PHKG1: variants seen among roughly 807,000 people sequenced by gnomAD.
The protein encoded by PHKG1 is phosphorylase kinase catalytic subunit gamma 1.
In PHKG1, 48 loss-of-function variants were observed where a neutral mutation model predicts 50.5. The ratio of observed to expected loss-of-function variants is 0.95; its 90% CI spans 0.75 to 1.21. The LOEUF (loss-of-function observed/expected upper bound fraction) is 1.21. Ranked by LOEUF, PHKG1 falls within the 50% of genes most tolerant of loss-of-function variation. The pLI is 0.00. For missense variants in PHKG1, 487 were observed against 519.5 expected, an observed-to-expected ratio of 0.94 and a Z score of 0.61; for synonymous variants, 204 against 212.8, an observed-to-expected ratio of 0.96 and a Z score of 0.36.
In PHKG1 at chr7:56,080,739, G is replaced by T; in HGVS notation, c.*315C>A. 2 of 392,724 alleles carry T rather than the reference G, an allele frequency of 5.1e-6. No homozygotes were observed. Among genetic ancestry groups the T allele is most frequent in the African/African-American group, 2.0e-5 (1 of 49,496 alleles). The allele number at this position is 392,724 out of a possible 1,614,324, so 24.3% of individuals were successfully genotyped here. A position where few individuals can be genotyped will look rare whatever the true frequency, so the allele number is the denominator to read the frequency against. ...AAAGCCTGAGTGTCAGTAACTCTGG[G>T]CCTCCCCTAAAGAGAAATGGAGATG... On this transcript the variant is annotated 3_prime_UTR_variant, in exon 10 of 10. Coordinates refer to ENST00000297373, the MANE Select transcript of PHKG1 (RefSeq NM_006213.5).
intron 2 of PHKG1, chr7:56,088,554 G>T: frequency 4.4e-6 from 1 of 228,752 alleles, no homozygotes; most frequent in Non-Finnish European, 8.4e-6. Flanking sequence ...ACGGGGTCTT[G>T]CTATGTTGCC....
intron 6 of PHKG1, 188 bp downstream of exon 6, chr7:56,083,090 A>G: frequency 1.8e-6 from 1 of 556,594 alleles, no homozygotes; most frequent in Non-Finnish European, 3.2e-6. Flanking sequence ...TGGGCGACAG[A>G]GTGAGACTCC....
chr7:56,084,160 C>T (rs763943698), intron 4 of PHKG1: 90 of 1,530,530 alleles, frequency 5.9e-5, no homozygotes, highest in Non-Finnish European at 6.7e-5. Flanking sequence ...TTGCCCTGCC[C>T]TGGGCCCTGA....
chr7:56,083,121 GAAAGAA>G (rs1796095995), intron 6 of PHKG1, 151 bp downstream of exon 6: 3 of 596,916 alleles, frequency 5.0e-6, no homozygotes, highest in Non-Finnish European at 8.4e-6. Context: ...AAAAAAAAAA[GAAAGAA>G]AAAGAAAAAA....
At chr7:56,087,867 G>A (rs1208555853) in intron 2 of PHKG1, 91 bp from the exon 3 acceptor site, 3 of 1,022,692 alleles carry the variant, frequency 2.9e-6, no homozygotes, top group African/African-American at 3.2e-5. Context: ...TCCTGCCCTT[G>A]ACAGAGATTT....
chr7:56,089,944 AACC>A (rs1796431859), intron 1 of PHKG1, among the ~76,000 whole-genome samples: 1 of 151,998 alleles, frequency 6.6e-6, no homozygotes. Context: ...TATAGGCATG[AACC>A]ACCACTGGAC....
rs771887282 is a variant in PHKG1 at position 56,081,131 on chromosome 7, G to A, written c.1087C>T (p.Gln363Ter). Reference protein sequence around the residue: ...RIYGHWVKKGQQQNRAALFEN... With the variant: ...RIYGHWVKKG ...AAAAGGGCTGCCCGGTTCTGCTGCT[G>A]CCCCTTCTTCACCCAGTGGCCATAG... is the stretch of plus-strand genomic sequence containing the variant. The change falls in exon 10 of 10, where the codon CAG becomes TAG. Residue 363 changes from glutamine (Q) to a stop codon, truncating the protein, a stop_gained. Transcript: ENST00000297373. LOFTEE classifies it high-confidence loss of function. This position sits in a 1 kb window ranked among gnomAD's most constrained non-coding sequence, Gnocchi z 4.6. The A allele has an allele frequency of 1.2e-6, 2 of 1,613,812 alleles. No individual in the cohort carries two copies. Among genetic ancestry groups the A allele is most frequent in the East Asian group, 4.5e-5 (2 of 44,884 alleles).
At chr7:56,087,220 T>TATC (rs1416275936) in intron 3 of PHKG1, among the ~76,000 whole-genome samples, 196 bp from the exon 4 acceptor site, 3 of 147,708 alleles carry the variant, frequency 2.0e-5, no homozygotes, top group Non-Finnish European at 4.5e-5. Flanking sequence ...TTATTATTAT[T>TATC]ATTATTATTA....
chr7:56,089,692 T>C (rs928181319), intron 1 of PHKG1, among the ~76,000 whole-genome samples: 1 of 151,708 alleles, frequency 6.6e-6, no homozygotes, highest in Non-Finnish European at 1.5e-5. Context: ...CCTGGCTAAT[T>C]GTTGTATTTT....
Position 56,088,881 on chromosome 7 carries a change from C to G in PHKG1, c.61G>C (p.Glu21Gln). The G allele has an allele frequency of 6.2e-7, 1 of 1,613,376 alleles. No individual in the cohort carries two copies. The highest frequency in any genetic ancestry group is 2.2e-5 in the East Asian group (1 of 44,858). The change falls in exon 2 of 10, where the codon GAG (glutamate) becomes CAG (glutamine). Residue 21 changes from glutamate to glutamine, a missense_variant. Physicochemically the swap from Glu to Gln is conservative, Grantham distance 29. Coordinates refer to ENST00000297373, the MANE Select transcript of PHKG1 (RefSeq NM_006213.5). ...HSAQDFYENY[E>Q]PKEILGRGVS... ...TACCTGCCCAGGATCTCTTTGGGCTCATAATTCTCATAGAAGTCCTGTGCA... is the reference window on the plus strand; with the variant it reads ...TACCTGCCCAGGATCTCTTTGGGCTGATAATTCTCATAGAAGTCCTGTGCA...
chr7:56,087,529 C>A (rs1796307930), intron 3 of PHKG1, 69 bp downstream of exon 3: 2 of 1,509,986 alleles, frequency 1.3e-6, no homozygotes, highest in Non-Finnish European at 1.8e-6. Context: ...GGCCACACTC[C>A]CTGGCTTGGG....
rs1209849872 is a variant in PHKG1, at chr7:56,081,059, A to G, written c.1159T>C (p.Tyr387His). The change falls in exon 10 of 10, where the codon TAC (tyrosine) becomes CAC (histidine). Residue 387 changes from tyrosine (Y) to histidine (H), a missense_variant. Transcript: ENST00000297373. This position sits in a 1 kb window ranked among gnomAD's most constrained non-coding sequence, Gnocchi z 4.6. ...CTCCCTGACTGGCCAGCCCCTCAGT[A>G]GTCCTCCTCGGCCAGGGAGAGGAGC... ...AVLLSLAEEDY is the reference protein window; with the variant it reads ...AVLLSLAEEDH 6.2e-7 allele frequency: 1 copy of G among 1,612,062 alleles called. No individual in the cohort carries two copies. The highest frequency in any genetic ancestry group is 1.3e-5 in the African/African-American group (1 of 74,872).
chr7:56,088,033 G>GTT (rs1796340386), intron 2 of PHKG1, among the ~76,000 whole-genome samples: 2 of 94,326 alleles, frequency 2.1e-5, no homozygotes, highest in South Asian at 3.5e-4. Flanking sequence ...GCCGTTCAGT[G>GTT]CTTTTTTTTT....
chr7:56,088,777 C>T lies in PHKG1; in HGVS notation c.83+82G>A, dbSNP rs981623126. 9 of 892,460 alleles carry T rather than the reference C, an allele frequency of 1.0e-5. 1 individual carries two copies. Among genetic ancestry groups the T allele is most frequent in the African/African-American group, 3.3e-5 (2 of 60,942 alleles). The allele number at this position is 892,460 out of a possible 1,614,324, so 55.3% of individuals were successfully genotyped here. ...TGGGGATGAAAGTGGCGTTAGTACT[C>T]GGGGTGGAGCAGAGCTGGCTGTAGC... On this transcript the variant is annotated intron_variant, in intron 2 of 9. Coordinates refer to ENST00000297373, the MANE Select transcript of PHKG1 (RefSeq NM_006213.5).
chr7:56,084,710 A>T (rs2117564286), intron 4 of PHKG1, among the ~76,000 whole-genome samples: 1 of 152,232 alleles, frequency 6.6e-6, no homozygotes, highest in Non-Finnish European at 1.5e-5. Context: ...AAATGGGAAG[A>T]ATCGGCTGTG....
chr7:56,083,823 G>C, intron 4 of PHKG1, 108 bp from the exon 5 acceptor site: 1 of 771,874 alleles, frequency 1.3e-6, no homozygotes, highest in Non-Finnish European at 2.3e-6. Context: ...AGCTAAGTGG[G>C]CCACTCTCCG....
Position 56,081,199 on chromosome 7 carries a change from A to AG in PHKG1, c.1018dup (p.Leu340ProfsTer58). On this transcript the variant is annotated frameshift_variant, in exon 10 of 10. Coordinates refer to ENST00000297373, the MANE Select transcript of PHKG1 (RefSeq NM_006213.5). LOFTEE classifies it high-confidence loss of function. The surrounding 1 kb of genome is among the most constrained non-coding windows in gnomAD (Gnocchi z 4.6). Reference sequence around the variant, plus strand: ...GTCGATGAGCCGGCGCAGAGGCCGGAGGGCATAGGGGTCTCGGATGACGAT... The same window carrying AG: ...GTCGATGAGCCGGCGCAGAGGCCGGAGGGGCATAGGGGTCTCGGATGACGAT... 6.2e-7 allele frequency: 1 copy of AG among 1,613,902 alleles called. No homozygotes were observed. Among genetic ancestry groups the AG allele is most frequent in the Non-Finnish European group, 8.5e-7 (1 of 1,179,952 alleles).
rs756725847 is a variant in PHKG1, at chr7:56,084,141, AGCAGTACCTT to A, written c.318-436_318-427del. 4.8e-5 allele frequency: 71 copies of A among 1,484,998 alleles called. 1 individual carries two copies. Among genetic ancestry groups the A allele is most frequent in the Middle Eastern group, 1.7e-4 (1 of 5,880 alleles). 92.0% of individuals were successfully genotyped at this position (1,484,998 alleles called of 1,614,324 possible). A position where few individuals can be genotyped will look rare whatever the true frequency, so the allele number is the denominator to read the frequency against. ...TGGGCCCCGAGCTGGTGGCCCTGTG[AGCAGTACCTT>A]GCCCTGCCCTGGGCCCTGAAGTTGG... On this transcript the variant is annotated intron_variant, in intron 4 of 9. Coordinates refer to ENST00000297373, the MANE Select transcript of PHKG1 (RefSeq NM_006213.5).
At chr7:56,084,362 G>T in intron 4 of PHKG1, 8 of 513,366 alleles carry the variant, frequency 1.6e-5, no homozygotes, top group Non-Finnish European at 2.4e-5. Context: ...AAGGACGTGA[G>T]TATCCCGATT....
Sources: gnomAD v4.1 joint callset for allele counts (sites outside exome capture counted in the v4.1 genomes callset) on GRCh38, gnomAD v4.1.1 for gene constraint, Gnocchi (gnomAD v3.1) non-coding constraint, MANE v1.5 for transcripts, NCBI Gene and HGNC (gene_info 2026-07-23, HGNC 2026-07-21) for gene names.